PHLDB3: variants seen among roughly 807,000 people sequenced by gnomAD.
The protein encoded by PHLDB3 is pleckstrin homology-like domain family B member 3.
PHLDB3 carries 86 observed loss-of-function variants against 85.7 expected under a neutral mutation model. The observed-to-expected ratio is 1.00, with a 90% CI of 0.84 to 1.20. The LOEUF (loss-of-function observed/expected upper bound fraction) is 1.20, where lower values mean the gene tolerates loss of function less well. PHLDB3 is among the 50% of genes most tolerant of loss of function. The pLI, the probability that PHLDB3 is intolerant of heterozygous loss-of-function variation, is 0.00. For synonymous variants in PHLDB3, 376 were observed against 349.8 expected (o/e 1.07, Z -0.83); for missense variants, 995 against 873.0 (o/e 1.14, Z -1.76).
In PHLDB3 at chr19:43,475,444, A is replaced by G. The variant is rs780542120; in HGVS notation, c.1889T>C (p.Ile630Thr). 55 of 1,613,800 alleles carry G rather than the reference A, an allele frequency of 3.4e-5. No individual in the cohort carries two copies. Among genetic ancestry groups the G allele is most frequent in the Non-Finnish European group, 4.6e-5 (54 of 1,179,842 alleles). Residue 630 changes from isoleucine to threonine, a missense_variant, in exon 16 of 16, where the codon ATC becomes ACC. Ile to Thr is a moderately conservative substitution (Grantham distance 89, BLOSUM62 -1). Coordinates refer to ENST00000292140, the MANE Select transcript of PHLDB3 (RefSeq NM_198850.4). ...PEAMRIWMDV[I>T]VTAADENHAP Reference sequence around the variant, plus strand: ...GTGGTTTTCGTCAGCGGCGGTCACGATGACGTCCATCCAAATGCGCATGGC... The same window carrying G: ...GTGGTTTTCGTCAGCGGCGGTCACGGTGACGTCCATCCAAATGCGCATGGC...
intron 9 of PHLDB3, among the ~76,000 whole-genome samples, chr19:43,492,204 G>A (rs1039898991): frequency 3.3e-5 from 5 of 151,178 alleles, no homozygotes; most frequent in East Asian, 3.9e-4. Context: ...GCCTGTCTCC[G>A]CCTCCCAAAG....
chr19:43,488,429 T>A (rs1971235624), intron 9 of PHLDB3, among the ~76,000 whole-genome samples: 1 of 151,520 alleles, frequency 6.6e-6, no homozygotes, highest in African/African-American at 2.4e-5. Flanking sequence ...TGCGCTCCAG[T>A]CTGGGCGACA....
chr19:43,476,363 G>T (rs1474868226), intron 15 of PHLDB3, among the ~76,000 whole-genome samples: 1 of 152,094 alleles, frequency 6.6e-6, no homozygotes, highest in Non-Finnish European at 1.5e-5. Context: ...AACTCAGGCC[G>T]GCCGGGCTGG....
At chr19:43,490,471 T>G (rs1293831272) in intron 9 of PHLDB3, among the ~76,000 whole-genome samples, 1 of 152,040 alleles carries the variant, frequency 6.6e-6, no homozygotes, top group East Asian at 1.9e-4. Context: ...GAGAATCGCT[T>G]GAGTCTGGGA....
Position 43,486,297 on chromosome 19 carries a change from C to T in PHLDB3, c.1454G>A (p.Gly485Asp), listed in dbSNP as rs763371566. Residue 485 changes from glycine to aspartate, a missense_variant, in exon 13 of 16, where the codon GGT becomes GAT. Physicochemically the swap from Gly to Asp is moderately conservative, Grantham distance 94. Coordinates refer to ENST00000292140, the MANE Select transcript of PHLDB3 (RefSeq NM_198850.4). ...GGCAGGAACAGCAGGGCCTGAGGAA[C>T]CTTCCGTGCCCCTTCTTGTTCCTTC... ...AREGTRRGTE[G>D]SSGPAVPAIT... 1.2e-6 allele frequency: 2 copies of T among 1,609,352 alleles called. No homozygotes were observed. Among genetic ancestry groups the T allele is most frequent in the Non-Finnish European group, 8.5e-7 (1 of 1,178,220 alleles).
chr19:43,504,122 C>T lies in PHLDB3; in HGVS notation c.-4G>A. The T allele has an allele frequency of 1.3e-6, 2 of 1,589,560 alleles. No homozygotes were observed. Among genetic ancestry groups the T allele is most frequent in the East Asian group, 2.3e-5 (1 of 43,480 alleles). On this transcript the variant is annotated 5_prime_UTR_variant, in exon 2 of 16. Transcript: ENST00000292140. ...CGGGGCTGCTTCGCGTCCCCATGGC[C>T]GCTGGGACTCCTGCGGGGTGGGCGG...
chr19:43,476,261 T>A (rs1970925255), intron 15 of PHLDB3, among the ~76,000 whole-genome samples: 2 of 152,190 alleles, frequency 1.3e-5, no homozygotes, highest in South Asian at 4.1e-4. Flanking sequence ...CAATCCCAAA[T>A]TGAGTAAATC....
intron 15 of PHLDB3, among the ~76,000 whole-genome samples, chr19:43,477,535 C>T (rs527787051): frequency 1.5e-5 from 2 of 135,902 alleles, no homozygotes; most frequent in South Asian, 4.8e-4. Context: ...AAAAGAGCCA[C>T]GTGTGGTGCG....
At chr19:43,478,200 G>A (rs1970968269) in intron 14 of PHLDB3, 68 bp from the exon 15 acceptor site, 1 of 1,241,058 alleles carries the variant, frequency 8.1e-7, no homozygotes. Flanking sequence ...CGAGGTGAGG[G>A]TCATTGGCCC....
rs1248570317 is a variant in PHLDB3 at position 43,500,909 on chromosome 19, A to ACCCCCCCCCCCCCCCCCCCC, written c.534+824_534+825insGGGGGGGGGGGGGGGGGGGG. On this transcript the variant is annotated intron_variant, in intron 4 of 15. Transcript: ENST00000292140. ...CCTCCCACTTTGCCCCGCCCCCCGT[A>ACCCCCCCCCCCCCCCCCCCC]CCCCCCCCCCACCCCGCAAGTACTG... Among the ~76,000 whole-genome samples, 17 of 17,168 alleles carry ACCCCCCCCCCCCCCCCCCCC rather than the reference A, an allele frequency of 9.9e-4. 3 individuals are homozygous for ACCCCCCCCCCCCCCCCCCCC. Among genetic ancestry groups the ACCCCCCCCCCCCCCCCCCCC allele is most frequent in the Admixed American group, 1.8e-3 (3 of 1,630 alleles). The allele number at this position is 17,168 out of a possible 152,430, so 11.3% of individuals were successfully genotyped here. A position where few individuals can be genotyped will look rare whatever the true frequency, so the allele number is the denominator to read the frequency against.
chr19:43,479,692 G>A, intron 13 of PHLDB3, 99 bp from the exon 14 acceptor site: 1 of 750,568 alleles, frequency 1.3e-6, no homozygotes, highest in Non-Finnish European at 2.2e-6. Context: ...TGCATGTAAG[G>A]CCCGCTACAG....
At position 43,501,846 on chromosome 19, in the gene PHLDB3, C is replaced by A; in HGVS notation, c.422G>T (p.Arg141Leu). The change falls in exon 4 of 16, where the codon CGG becomes CTG. Residue 141 changes from arginine (R) to leucine (L), a missense_variant. By Grantham distance (102) the Arg-to-Leu change is moderately radical. Transcript: ENST00000292140. The part of the protein sequence containing the change: ...IEMEVEVALL[R>L]GELAGERVAA... The stretch of plus-strand genomic sequence containing the variant: ...CACTCGCTCCCCAGCCAGCTCACCC[C>A]GCAGCAAGGCCACCTCCACCTCCAT... 6.3e-7 allele frequency: 1 copy of A among 1,592,088 alleles called. No homozygotes were observed. The highest frequency in any genetic ancestry group is 2.3e-5 in the East Asian group (1 of 43,634).
intron 11 of PHLDB3, 21 bp from the exon 12 acceptor site, chr19:43,486,717 C>T (rs756036212): frequency 3.1e-5 from 50 of 1,613,472 alleles, no homozygotes; most frequent in Non-Finnish European, 3.6e-5. Context: ...GGAACACAGA[C>T]GGGGTGGGTT....
chr19:43,499,166 CAGAG>C (rs1971533172), intron 4 of PHLDB3, among the ~76,000 whole-genome samples: 1 of 151,698 alleles, frequency 6.6e-6, no homozygotes, highest in Non-Finnish European at 1.5e-5. Context: ...ATGGACTAGA[CAGAG>C]AGGATCAGGA....
intron 13 of PHLDB3, among the ~76,000 whole-genome samples, chr19:43,483,884 A>C (rs1303289011): frequency 6.6e-6 from 1 of 152,158 alleles, no homozygotes; most frequent in Non-Finnish European, 1.5e-5. Flanking sequence ...TAATCTCAGC[A>C]CTTTGGCCAG....
chr19:43,491,255 C>G (rs1971305303), intron 9 of PHLDB3, among the ~76,000 whole-genome samples: 1 of 152,140 alleles, frequency 6.6e-6, no homozygotes, highest in Non-Finnish European at 1.5e-5. Context: ...AGTTAATTTC[C>G]CATACAGAAG....
At chr19:43,485,204 G>T (rs951090459) in intron 13 of PHLDB3, among the ~76,000 whole-genome samples, 1 of 151,178 alleles carries the variant, frequency 6.6e-6, no homozygotes, top group Non-Finnish European at 1.5e-5. Flanking sequence ...TATTTCTATC[G>T]TAAAAAGGTT....
At chr19:43,476,588 G>A (rs562453140) in intron 15 of PHLDB3, among the ~76,000 whole-genome samples, 5 of 151,988 alleles carry the variant, frequency 3.3e-5, no homozygotes, top group African/African-American at 9.7e-5. Flanking sequence ...GCTTGAGCCC[G>A]AGAGATAGAG....
rs1971403176 is a variant in PHLDB3 at position 43,494,754 on chromosome 19, G to A, written c.1097C>T (p.Ser366Phe). The change falls in exon 9 of 16, where the codon TCC becomes TTC. Residue 366 changes from serine to phenylalanine, a missense_variant. Physicochemically the swap from Ser to Phe is radical, Grantham distance 155. Transcript: ENST00000292140. ...GCAGGAAGAAGTAGGGGTGGCAGCG[G>A]AGTGGGCCACGGCATCCTGGAGCAC... ...LLVLQDAVAHSAATPTSSCLF... is the reference protein window; with the variant it reads ...LLVLQDAVAHFAATPTSSCLF... The A allele has an allele frequency of 6.2e-7, 1 of 1,613,364 alleles. No homozygotes were observed. The highest frequency in any genetic ancestry group is 1.3e-5 in the African/African-American group (1 of 74,940).
Sources: allele counts gnomAD v4.1 joint callset (sites outside exome capture counted in the v4.1 genomes callset), GRCh38; gene constraint gnomAD v4.1.1; transcripts MANE v1.5; gene names NCBI Gene and HGNC (gene_info 2026-07-23, HGNC 2026-07-21).